The following ZBTB41 variants were observed in gnomAD, a reference collection of about 807,000 sequenced individuals.
ZBTB41 encodes zinc finger and BTB domain containing 41.
Under a neutral mutation model 87.6 loss-of-function variants are expected in ZBTB41, and 42 were observed. The observed-to-expected ratio is 0.48, with a 90% CI of 0.37 to 0.62. The LOEUF (loss-of-function observed/expected upper bound fraction) is 0.62. ZBTB41 is among the 20% of genes least tolerant of loss of function. The pLI, the probability that ZBTB41 is intolerant of heterozygous loss-of-function variation, is 0.00. For missense variants in ZBTB41, 799 were observed against 1,078.9 expected, an observed-to-expected ratio of 0.74 and a Z score of 3.63; for synonymous variants, 364 against 364.0, an observed-to-expected ratio of 1.00 and a Z score of 0.00.
At chr1:197,163,236 C>T (rs1016999138) in intron 10 of ZBTB41, among the ~76,000 whole-genome samples, 1 of 152,108 alleles carries the variant, frequency 6.6e-6, no homozygotes, top group African/African-American at 2.4e-5. Context: ...CTGGAAGAAA[C>T]ACATCTTCAA....
At chr1:197,194,163 C>T (rs1660101799) in intron 2 of ZBTB41, among the ~76,000 whole-genome samples, 2 of 151,952 alleles carry the variant, frequency 1.3e-5, no homozygotes, top group Non-Finnish European at 2.9e-5. Flanking sequence ...GGATTGCAGG[C>T]ACATGCTATA....
chr1:197,178,018 T>C (rs893385874), intron 7 of ZBTB41, among the ~76,000 whole-genome samples: 1 of 152,006 alleles, frequency 6.6e-6, no homozygotes, highest in African/African-American at 2.4e-5. Flanking sequence ...ATAATCACTA[T>C]TAATGCACAG....
In ZBTB41 at chr1:197,159,786, A is replaced by T; in HGVS notation, c.2303T>A (p.Val768Asp). The part of the protein sequence containing the change: ...TSEEKLVSLP[V>D]EYSSDDKIFQ... The stretch of plus-strand genomic sequence containing the variant: ...GATTTTGTCATCAGATGAGTACTCA[A>T]CTGGCAAGGATACAAGTTTTTCCTC... Residue 768 changes from valine (V) to aspartate (D), a missense_variant, in exon 11 of 11, where the codon GTT becomes GAT. By Grantham distance (152) the Val-to-Asp change is radical. This residue lies in a region of ZBTB41 where 171 missense variants were observed against 191.9 expected (regional missense o/e 0.89). Coordinates refer to ENST00000367405, the MANE Select transcript of ZBTB41 (RefSeq NM_194314.3). 1 of 1,614,014 alleles carries T rather than the reference A, an allele frequency of 6.2e-7. No individual in the cohort carries two copies. The highest frequency in any genetic ancestry group is 8.5e-7 in the Non-Finnish European group (1 of 1,179,906).
chr1:197,177,385 C>T (rs556561144), intron 7 of ZBTB41, among the ~76,000 whole-genome samples: 55 of 152,226 alleles, frequency 3.6e-4, no homozygotes, highest in Non-Finnish European at 4.0e-4. Flanking sequence ...GAGGCCTTCC[C>T]AGCCATGCGG....
In ZBTB41 at chr1:197,159,676, C is replaced by T; in HGVS notation, c.2413G>A (p.Glu805Lys). The T allele has an allele frequency of 2.5e-6, 4 of 1,614,006 alleles. No homozygotes were observed. The highest frequency in any genetic ancestry group is 3.4e-6 in the Non-Finnish European group (4 of 1,179,920). ...ACCAGAGTTACTGGAACACATACTT[C>T]AGCAGATACATTCTGTAACATCGTC... ...AKTMLQNVSA[E>K]VCVPVTLVPV... The change falls in exon 11 of 11, where the codon GAA (glutamate) becomes AAA (lysine). Residue 805 changes from glutamate to lysine, a missense_variant. Around this residue, in one of 5 missense-constraint regions of ZBTB41, gnomAD observed 171 missense variants for 191.9 expected, o/e 0.89. Transcript: ENST00000367405.
At chr1:197,173,842 C>A (rs1371728725) in intron 9 of ZBTB41, among the ~76,000 whole-genome samples, 2 of 152,014 alleles carry the variant, frequency 1.3e-5, no homozygotes, top group African/African-American at 4.8e-5. Context: ...ATTTTGCCCC[C>A]CATAAAACAT....
intron 2 of ZBTB41, among the ~76,000 whole-genome samples, chr1:197,192,255 A>G (rs1021659864): frequency 1.3e-5 from 2 of 152,200 alleles, no homozygotes; most frequent in African/African-American, 4.8e-5. Flanking sequence ...AACTTTTAGC[A>G]AAAGATCAAT....
At chr1:197,174,294 A>G (rs928934370) in intron 9 of ZBTB41, among the ~76,000 whole-genome samples, 10 of 152,160 alleles carry the variant, frequency 6.6e-5, no homozygotes, top group African/African-American at 2.4e-4. Flanking sequence ...AACTGAGCAG[A>G]ATAAGATCAG....
At chr1:197,197,716 T>A (rs1342416984) in intron 2 of ZBTB41, among the ~76,000 whole-genome samples, 1 of 152,138 alleles carries the variant, frequency 6.6e-6, no homozygotes, top group East Asian at 1.9e-4. Flanking sequence ...AAGAAGTACC[T>A]CCAAAGTATC....
At chr1:197,164,325 A>G (rs1374887183) in intron 10 of ZBTB41, among the ~76,000 whole-genome samples, 1 of 152,054 alleles carries the variant, frequency 6.6e-6, no homozygotes, top group African/African-American at 2.4e-5. Flanking sequence ...AACAATCCTT[A>G]ATGATTATAA....
Position 197,199,939 on chromosome 1 carries a change from C to A in ZBTB41, c.535G>T (p.Val179Phe). The A allele has an allele frequency of 1.2e-6, 2 of 1,612,984 alleles. No individual in the cohort carries two copies. The highest frequency in any genetic ancestry group is 1.7e-6 in the Non-Finnish European group (2 of 1,179,416). ...GTTAGCTCTGAATGAAAAGGGGCAA[C>A]ATTTTCGTTATTTAACAACTTCACT... ...DAVKLLNNEN[V>F]APFHSELTEK... is the part of the protein sequence containing the mutation. The change falls in exon 2 of 11, where the codon GTT becomes TTT. Residue 179 changes from valine to phenylalanine, a missense_variant. By Grantham distance (50) the Val-to-Phe change is conservative. Transcript: ENST00000367405.
chr1:197,179,379 C>T (rs1456369231), intron 6 of ZBTB41, among the ~76,000 whole-genome samples: 1 of 152,072 alleles, frequency 6.6e-6, no homozygotes, highest in African/African-American at 2.4e-5. Flanking sequence ...TGTAGACAAA[C>T]ATACTACATT....
chr1:197,187,380 G>T (rs1232352659), intron 5 of ZBTB41, among the ~76,000 whole-genome samples: 2 of 152,114 alleles, frequency 1.3e-5, no homozygotes, highest in African/African-American at 4.8e-5. Context: ...ATCCATGAGG[G>T]ACTGGTTCCA....
intron 3 of ZBTB41, among the ~76,000 whole-genome samples, chr1:197,191,044 T>C (rs551553786): frequency 1.3e-5 from 2 of 151,478 alleles, no homozygotes; most frequent in East Asian, 2.2e-4. Flanking sequence ...AAAGGTAATA[T>C]ACCTGATTTT....
chr1:197,171,409 T>C (rs1571651391), intron 10 of ZBTB41, among the ~76,000 whole-genome samples: 1 of 152,042 alleles, frequency 6.6e-6, no homozygotes, highest in Non-Finnish European at 1.5e-5. Flanking sequence ...ATCACTTATT[T>C]TTCTCTTCCA....
chr1:197,197,081 C>T (rs1055967211), intron 2 of ZBTB41, among the ~76,000 whole-genome samples: 118 of 152,116 alleles, frequency 7.8e-4, no homozygotes, highest in African/African-American at 2.6e-3. Context: ...TGCTAGAACA[C>T]CTACATTTTG....
intron 10 of ZBTB41, among the ~76,000 whole-genome samples, 191 bp downstream of exon 10, chr1:197,171,969 G>C (rs887344849): frequency 2.6e-5 from 4 of 151,710 alleles, no homozygotes; most frequent in African/African-American, 9.7e-5. Flanking sequence ...TTACATAATA[G>C]AGAATAGAAG....
In ZBTB41 at chr1:197,179,533, G is replaced by GA. The variant is rs199776352; in HGVS notation, c.1677-1022dup. 7.4e-3 allele frequency among the ~76,000 whole-genome samples: 1,120 copies of GA among 151,528 alleles called. 13 individuals carry two copies. The highest frequency in any genetic ancestry group is 0.026 in the African/African-American group (1,065 of 41,288). ...CTTCTTCTACTTATTAAAAAAAAAA[G>GA]AAAACTAACTGTAAAACAGCCTCAG... On this transcript the variant is annotated intron_variant, in intron 6 of 10. Transcript: ENST00000367405.
Position 197,191,776 on chromosome 1 carries a change from G to A in ZBTB41, c.1244C>T (p.Thr415Ile), listed in dbSNP as rs932170115. The change falls in exon 3 of 11, where the codon ACA (threonine) becomes ATA (isoleucine). Residue 415 changes from threonine (T) to isoleucine (I), a missense_variant. Physicochemically the swap from Thr to Ile is moderately conservative, Grantham distance 89. This residue lies in a region of ZBTB41 where 294 missense variants were observed against 340.1 expected (regional missense o/e 0.86). Transcript: ENST00000367405. The part of the protein sequence containing the change: ...TVHRKKHSNE[T>I]EFHKKEHKCP... The stretch of plus-strand genomic sequence containing the variant: ...CTTGTGCTCCTTCTTATGAAATTCT[G>A]TTTCATTACTGTGCTTCTTTCTGTG... The A allele has an allele frequency of 6.2e-7, 1 of 1,613,692 alleles. No individual in the cohort carries two copies. The highest frequency in any genetic ancestry group is 8.5e-7 in the Non-Finnish European group (1 of 1,179,812).
Sources: gnomAD v4.1 joint callset for allele counts (sites outside exome capture counted in the v4.1 genomes callset) on GRCh38, gnomAD v4.1.1 for gene constraint, gnomAD v4.1.1 regional missense constraint, MANE v1.5 for transcripts, NCBI Gene and HGNC (gene_info 2026-07-23, HGNC 2026-07-21) for gene names.